LIMA1: variants seen among roughly 807,000 people sequenced by gnomAD.
The protein encoded by LIMA1 is LIM domain and actin binding 1.
In LIMA1, 52 loss-of-function variants were observed where a neutral mutation model predicts 62.6. The ratio of observed to expected loss-of-function variants is 0.83; its 90% CI spans 0.67 to 1.05. LIMA1 has a LOEUF of 1.05. LIMA1 is among the 50% of genes least tolerant of loss of function. The probability of loss-of-function intolerance (pLI) is 0.00; values close to 1 mark genes in which losing one functional copy is unlikely to be tolerated. For synonymous variants in LIMA1, 302 were observed against 317.8 expected (o/e 0.95, Z 0.53); for missense variants, 780 against 902.2 (o/e 0.86, Z 1.74).
chr12:50,187,925 GC>G (rs1940667123), intron 9 of LIMA1: 1 of 152,142 alleles, frequency 6.6e-6, no homozygotes, highest in Admixed American at 6.6e-5. Context: ...AGGACATAAA[GC>G]CTAAGAGATC....
intron 4 of LIMA1, among the ~76,000 whole-genome samples, chr12:50,212,639 ATTAAT>A (rs1378643626): frequency 1.3e-5 from 2 of 152,148 alleles, no homozygotes; most frequent in Non-Finnish European, 2.9e-5. Flanking sequence ...AGTCATATCT[ATTAAT>A]TTAAGTAGAC....
chr12:50,246,546 G>A (rs144797801), intron 2 of LIMA1, among the ~76,000 whole-genome samples: 5 of 152,100 alleles, frequency 3.3e-5, no homozygotes, highest in African/African-American at 1.2e-4. Context: ...TTCTAATATA[G>A]CTTTACACTG....
At chr12:50,219,292 C>A (rs143355129) in intron 4 of LIMA1, among the ~76,000 whole-genome samples, 1,593 of 151,994 alleles carry the variant, frequency 0.01, 25 homozygotes, top group African/African-American at 0.035. Context: ...CAAGACCAGC[C>A]TGACCAATAT....
At chr12:50,187,558 G>A (rs770400292) in intron 9 of LIMA1, 2 of 152,150 alleles carry the variant, frequency 1.3e-5, no homozygotes, top group Non-Finnish European at 2.9e-5. Context: ...GAGAAGAAAG[G>A]ACAGTCCTCT....
At chr12:50,267,595 C>T (rs1942155220) in intron 1 of LIMA1, among the ~76,000 whole-genome samples, 1 of 151,812 alleles carries the variant, frequency 6.6e-6, no homozygotes, top group Non-Finnish European at 1.5e-5. Context: ...TTTTGGCTCA[C>T]TACAACCTCC....
rs1220481659 is a variant in LIMA1 at position 50,192,432 on chromosome 12, G to T, written c.1140+20C>A. The T allele has an allele frequency of 2.7e-6, 4 of 1,483,622 alleles. No homozygotes were observed. Among genetic ancestry groups the T allele is most frequent in the Admixed American group, 3.3e-5 (2 of 59,866 alleles). 91.9% of individuals were successfully genotyped at this position (1,483,622 alleles called of 1,614,324 possible). On this transcript the variant is annotated intron_variant, in intron 9 of 10. Transcript: ENST00000341247. ...CAGTAGACCAATGTCCAAAGGCTCA[G>T]AGAGAAATTGCCATCATACCTTCAT...
chr12:50,195,990 G>T, intron 7 of LIMA1, 103 bp from the exon 8 acceptor site: 1 of 1,190,730 alleles, frequency 8.4e-7, no homozygotes, highest in Non-Finnish European at 1.1e-6. Flanking sequence ...GCTGACTCCA[G>T]TCAGTCACTG....
intron 1 of LIMA1, among the ~76,000 whole-genome samples, chr12:50,273,080 AT>A (rs112767509): frequency 1.5e-4 from 22 of 149,750 alleles, no homozygotes; most frequent in African/African-American, 4.4e-4. Context: ...GGTTATAAAC[AT>A]TTTTTTTTAA....
intron 2 of LIMA1, among the ~76,000 whole-genome samples, chr12:50,246,763 C>T (rs1046129951): frequency 2.0e-5 from 3 of 152,116 alleles, no homozygotes; most frequent in Admixed American, 6.6e-5. Context: ...TCCCTTTATT[C>T]GTGTTCAGCT....
intron 3 of LIMA1, among the ~76,000 whole-genome samples, chr12:50,225,872 T>C (rs1249798403): frequency 6.6e-6 from 1 of 152,172 alleles, no homozygotes; most frequent in Non-Finnish European, 1.5e-5. Flanking sequence ...TAGTATATTA[T>C]ACTGTATGTG....
At chr12:50,259,396 T>C (rs1250723110) in intron 1 of LIMA1, among the ~76,000 whole-genome samples, 1 of 152,202 alleles carries the variant, frequency 6.6e-6, no homozygotes, top group African/African-American at 2.4e-5. Context: ...ATTTAATACA[T>C]TGCTTTCTAA....
At chr12:50,205,622 G>C (rs1006358310) in intron 5 of LIMA1, among the ~76,000 whole-genome samples, 1 of 151,942 alleles carries the variant, frequency 6.6e-6, no homozygotes, top group Admixed American at 6.6e-5. Context: ...TCAAACCCCA[G>C]ATGACTGGAG....
intron 4 of LIMA1, among the ~76,000 whole-genome samples, chr12:50,213,885 GTGGACA>G (rs529813145): frequency 2.9e-4 from 44 of 152,264 alleles, no homozygotes; most frequent in Middle Eastern, 3.4e-3. Context: ...TACATAGTTA[GTGGACA>G]TGAAAGTAAG....
At chr12:50,271,499 C>T (rs550927144) in intron 1 of LIMA1, among the ~76,000 whole-genome samples, 6 of 152,202 alleles carry the variant, frequency 3.9e-5, no homozygotes, top group South Asian at 2.1e-4. Flanking sequence ...CATAATCCAA[C>T]GAAGTGAGGT....
intron 8 of LIMA1, 50 bp downstream of exon 8, chr12:50,195,780 C>G: frequency 6.5e-7 from 1 of 1,548,562 alleles, no homozygotes; most frequent in Non-Finnish European, 8.7e-7. Context: ...GAACCAAATA[C>G]AGATAGAAAA....
intron 9 of LIMA1, among the ~76,000 whole-genome samples, chr12:50,184,352 A>G (rs1219449304): frequency 6.6e-6 from 1 of 152,224 alleles, no homozygotes; most frequent in African/African-American, 2.4e-5. Context: ...TCTAGGTAGG[A>G]GATACACTGG....
At chr12:50,242,135 T>C (rs17124559) in intron 2 of LIMA1, among the ~76,000 whole-genome samples, 5,472 of 151,682 alleles carry the variant, frequency 0.036, 126 homozygotes, top group South Asian at 0.079. Flanking sequence ...TCCTGAGCCA[T>C]GACTCTTGCT....
At chr12:50,213,732 G>T (rs1256557444) in intron 4 of LIMA1, among the ~76,000 whole-genome samples, 1 of 152,190 alleles carries the variant, frequency 6.6e-6, no homozygotes, top group African/African-American at 2.4e-5. Context: ...GAAGACAAAG[G>T]TAGTAATATT....
chr12:50,238,850 A>C (rs989663569), intron 2 of LIMA1, among the ~76,000 whole-genome samples: 4 of 151,478 alleles, frequency 2.6e-5, no homozygotes, highest in South Asian at 2.1e-4. Context: ...GCTCTGTCTC[A>C]CGAAGAAAAA....
Sources: gnomAD v4.1 joint callset for allele counts (sites outside exome capture counted in the v4.1 genomes callset) on GRCh38, gnomAD v4.1.1 for gene constraint, MANE v1.5 for transcripts, NCBI Gene and HGNC (gene_info 2026-07-23, HGNC 2026-07-21) for gene names.